Variants in PCDH9 observed in about 807,000 individuals in gnomAD.
The protein encoded by PCDH9 is protocadherin-9.
Under a neutral mutation model 70.6 loss-of-function variants are expected in PCDH9, and 24 were observed. The ratio of observed to expected loss-of-function variants is 0.34; its 90% confidence interval spans 0.25 to 0.48. PCDH9 has a LOEUF of 0.48. Ranked by LOEUF, PCDH9 falls within the 20% of genes least tolerant of loss-of-function variation. The pLI is 0.99. For synonymous variants in PCDH9, 562 were observed against 558.5 expected (o/e 1.01, Z -0.09); for missense variants, 1,281 against 1,503.6 (o/e 0.85, Z 2.45).
At chr13:66,543,941 C>A (rs536835569) in intron 4 of PCDH9, among the ~76,000 whole-genome samples, 1 of 152,114 alleles carries the variant, frequency 6.6e-6, no homozygotes, top group African/African-American at 2.4e-5. Flanking sequence ...TGGTGCTCAC[C>A]TCTAGAGGGC....
chr13:66,849,513 TATATAGAGAG>T (rs1231174032), intron 3 of PCDH9, among the ~76,000 whole-genome samples: 3 of 77,230 alleles, frequency 3.9e-5, no homozygotes, highest in South Asian at 1.1e-3. Flanking sequence ...TATATATATA[TATATAGAGAG>T]AGAGAGAGAG....
At chr13:66,450,386 T>C (rs901740738) in intron 4 of PCDH9, among the ~76,000 whole-genome samples, 10 of 152,308 alleles carry the variant, frequency 6.6e-5, no homozygotes, top group African/African-American at 2.4e-4. Flanking sequence ...TGGTAATGAA[T>C]GATAGGATAT....
chr13:67,008,841 C>T (rs948165489), intron 2 of PCDH9, among the ~76,000 whole-genome samples: 3 of 152,068 alleles, frequency 2.0e-5, no homozygotes, highest in Non-Finnish European at 4.4e-5. Context: ...TGAATACCCA[C>T]GGTGCACCTA....
intron 2 of PCDH9, among the ~76,000 whole-genome samples, chr13:66,967,982 A>C (rs1223172199): frequency 2.6e-5 from 4 of 152,050 alleles, no homozygotes; most frequent in African/African-American, 9.7e-5. Context: ...ATCTGCTTCA[A>C]CACTTACATT....
At chr13:67,052,224 G>A (rs923616683) in intron 2 of PCDH9, among the ~76,000 whole-genome samples, 116 of 152,192 alleles carry the variant, frequency 7.6e-4, no homozygotes, top group Middle Eastern at 3.4e-3. Context: ...TATATAGCCA[G>A]GGGCTCAGTA....
At chr13:66,647,286 T>G (rs893536615) in intron 3 of PCDH9, among the ~76,000 whole-genome samples, 1 of 152,098 alleles carries the variant, frequency 6.6e-6, no homozygotes, top group African/African-American at 2.4e-5. Context: ...AGGGGAGACT[T>G]CCTCCTTTTA....
intron 3 of PCDH9, among the ~76,000 whole-genome samples, chr13:66,839,284 T>C (rs1162876579): frequency 6.6e-6 from 1 of 152,158 alleles, no homozygotes; most frequent in African/African-American, 2.4e-5. Context: ...CCTTACATTG[T>C]CTCTAGATAT....
rs921187818 is a variant in PCDH9, at chr13:67,114,753, A to G, written c.3036+110652T>C. Among the ~76,000 whole-genome samples, 9 of 152,322 alleles carry G rather than the reference A, an allele frequency of 5.9e-5. No individual in the cohort carries two copies. The East Asian group carries it at 7.7e-4, about 13-fold the overall frequency. On this transcript the variant is annotated intron_variant, in intron 2 of 4. Transcript: ENST00000377865. ...ACTAAAATCTGTAAAAGATGAGGGG[A>G]GATAAATGTAGAAAGTCAATAACAA...
chr13:66,975,987 T>G (rs1250685553), intron 2 of PCDH9, among the ~76,000 whole-genome samples: 2 of 152,024 alleles, frequency 1.3e-5, no homozygotes, highest in Non-Finnish European at 2.9e-5. Flanking sequence ...AGGTGAATTT[T>G]GCTACGTTTT....
At chr13:67,026,339 C>A (rs1435431172) in intron 2 of PCDH9, among the ~76,000 whole-genome samples, 1 of 151,726 alleles carries the variant, frequency 6.6e-6, no homozygotes, top group African/African-American at 2.4e-5. Context: ...GGCTTTGGTA[C>A]CAGGATGATG....
At chr13:66,726,606 C>T (rs2079008983) in intron 3 of PCDH9, among the ~76,000 whole-genome samples, 1 of 152,070 alleles carries the variant, frequency 6.6e-6, no homozygotes. Flanking sequence ...GGGATTTCTG[C>T]TCCACTTATT....
chr13:66,373,369 T>A (rs1176389935), intron 4 of PCDH9, among the ~76,000 whole-genome samples: 1 of 151,964 alleles, frequency 6.6e-6, no homozygotes, highest in African/African-American at 2.4e-5. Context: ...TGTCGTTTAA[T>A]GGGTGTAGAG....
At chr13:66,791,025 T>G (rs2080155238) in intron 3 of PCDH9, among the ~76,000 whole-genome samples, 1 of 152,158 alleles carries the variant, frequency 6.6e-6, no homozygotes, top group African/African-American at 2.4e-5. Context: ...GCAAATTCTC[T>G]AGCTCTAAGC....
At chr13:66,925,559 T>G (rs985659276) in intron 2 of PCDH9, among the ~76,000 whole-genome samples, 1 of 151,930 alleles carries the variant, frequency 6.6e-6, no homozygotes, top group South Asian at 2.1e-4. Flanking sequence ...GGCTGACATA[T>G]GTAGTCTTCA....
At chr13:66,834,310 A>C in intron 3 of PCDH9, among the ~76,000 whole-genome samples, 1 of 151,948 alleles carries the variant, frequency 6.6e-6, no homozygotes, top group East Asian at 1.9e-4. Context: ...GAAGCCCACC[A>C]CCACATCCAG....
In PCDH9 at chr13:66,910,320, T is replaced by C. The variant is rs558937395; in HGVS notation, c.3037-6715A>G. 1.8e-4 allele frequency among the ~76,000 whole-genome samples: 27 copies of C among 152,306 alleles called. 1 individual carries two copies. In the South Asian group the frequency reaches 5.6e-3, roughly 32 times the overall value. On this transcript the variant is annotated intron_variant, in intron 2 of 4. Coordinates refer to ENST00000377865, the MANE Select transcript of PCDH9 (RefSeq NM_203487.3). ...TAGTCTTCTGGCACAGGCCATTAAA[T>C]AGACCAGTTGGCTTCCCTTAGTTAT...
At chr13:66,671,946 G>A (rs944827794) in intron 3 of PCDH9, among the ~76,000 whole-genome samples, 3 of 152,186 alleles carry the variant, frequency 2.0e-5, no homozygotes, top group Admixed American at 2.0e-4. Flanking sequence ...GGAGCCAAAT[G>A]TTAATCACCA....
At chr13:66,737,837 A>C (rs897229665) in intron 3 of PCDH9, among the ~76,000 whole-genome samples, 2 of 152,114 alleles carry the variant, frequency 1.3e-5, no homozygotes, top group South Asian at 4.1e-4. Flanking sequence ...CCTGGCTCGG[A>C]GGGTCCTACG....
At chr13:66,767,276 TG>T (rs1441429615) in intron 3 of PCDH9, among the ~76,000 whole-genome samples, 1 of 152,106 alleles carries the variant, frequency 6.6e-6, no homozygotes, top group Non-Finnish European at 1.5e-5. Flanking sequence ...AGAATGTAGA[TG>T]TGTTATATTT....
Sources: allele counts gnomAD v4.1 joint callset (sites outside exome capture counted in the v4.1 genomes callset), GRCh38; gene constraint gnomAD v4.1.1; transcripts MANE v1.5; gene names NCBI Gene and HGNC (gene_info 2026-07-23, HGNC 2026-07-21).